The following ASTN2 variants were observed in gnomAD, a reference collection of about 807,000 sequenced individuals.
ASTN2 encodes the protein astrotactin 2.
Under a neutral mutation model 139.8 loss-of-function variants are expected in ASTN2, and 54 were observed. The ratio of observed to expected loss-of-function variants is 0.39; its 90% CI spans 0.31 to 0.48. The LOEUF is 0.48. ASTN2 is among the 20% of genes least tolerant of loss of function. The pLI, the probability that ASTN2 is intolerant of heterozygous loss-of-function variation, is 0.95. For synonymous variants in ASTN2, 756 were observed against 719.5 expected, an observed-to-expected ratio of 1.05 and a Z score of -0.81; for missense variants, 1,565 against 1,725.1, an observed-to-expected ratio of 0.91 and a Z score of 1.64.
At chr9:116,505,211 T>G (rs1364970435) in intron 19 of ASTN2, among the ~76,000 whole-genome samples, 3 of 151,688 alleles carry the variant, frequency 2.0e-5, no homozygotes, top group African/African-American at 7.3e-5. Context: ...GCTTTTAGTA[T>G]CTGATAGTCT....
chr9:116,934,478 C>A (rs971549052), intron 10 of ASTN2, among the ~76,000 whole-genome samples: 5 of 152,116 alleles, frequency 3.3e-5, no homozygotes, highest in Non-Finnish European at 2.9e-5. Flanking sequence ...GGCCCTATAG[C>A]AAAATGGCTT....
chr9:116,673,587 A>G (rs1392701012), intron 16 of ASTN2, among the ~76,000 whole-genome samples: 1 of 152,168 alleles, frequency 6.6e-6, no homozygotes, highest in Non-Finnish European at 1.5e-5. Context: ...TTAATCCAAT[A>G]TGACAGATGG....
At chr9:116,951,576 G>A (rs1273953914) in intron 10 of ASTN2, among the ~76,000 whole-genome samples, 1 of 152,090 alleles carries the variant, frequency 6.6e-6, no homozygotes, top group Non-Finnish European at 1.5e-5. Context: ...CATGAGATCA[G>A]GGTCAGGCAG....
chr9:116,696,234 T>C (rs540547141), intron 16 of ASTN2, among the ~76,000 whole-genome samples: 1 of 152,282 alleles, frequency 6.6e-6, no homozygotes, highest in East Asian at 1.9e-4. Context: ...AGTCTGTTAC[T>C]CTATTCCCCA....
At chr9:117,049,040 A>C (rs1382876661) in intron 5 of ASTN2, among the ~76,000 whole-genome samples, 1 of 142,962 alleles carries the variant, frequency 7.0e-6, no homozygotes, top group Non-Finnish European at 1.5e-5. Context: ...CAATCTCAGC[A>C]CACTGCAACC....
chr9:116,685,401 ACT>A (rs1860140902), intron 16 of ASTN2, among the ~76,000 whole-genome samples: 1 of 152,074 alleles, frequency 6.6e-6, no homozygotes, highest in Non-Finnish European at 1.5e-5. Flanking sequence ...CGCACAGCTG[ACT>A]CTGCGTGAAT....
At chr9:116,632,252 G>GAAAGAAAGAAAGAAA (rs1856833378) in intron 17 of ASTN2, among the ~76,000 whole-genome samples, 1 of 70,916 alleles carries the variant, frequency 1.4e-5, no homozygotes, top group African/African-American at 7.1e-5. Flanking sequence ...AAAGAAAGAA[G>GAAAGAAAGAAAGAAA]GAAAGAAAGA....
chr9:117,241,989 C>A (rs2133074919), intron 2 of ASTN2, among the ~76,000 whole-genome samples: 2 of 125,506 alleles, frequency 1.6e-5, no homozygotes, highest in Admixed American at 1.7e-4. Flanking sequence ...ACAGTGAAAA[C>A]TTTCTTTGGC....
At position 116,698,264 on chromosome 9, in the gene ASTN2, C is replaced by T. The variant is rs1860982745; in HGVS notation, c.2806+27507G>A. ...GGAAGGCAGCCTTGGAAGGTGTCTC[C>T]AAGGACCTTCAGGCAAGGTATAAAG... is the stretch of plus-strand genomic sequence containing the variant. On this transcript the variant is annotated intron_variant, in intron 16 of 22. Transcript: ENST00000313400. This position sits in a 1 kb window ranked among gnomAD's most constrained non-coding sequence, Gnocchi z 4.4. 7 of 1,614,096 alleles carry T rather than the reference C, an allele frequency of 4.3e-6. No homozygotes were observed. Among genetic ancestry groups the T allele is most frequent in the Non-Finnish European group, 5.9e-6 (7 of 1,180,024 alleles).
At chr9:116,847,254 T>TACAGGC (rs1304036230) in intron 11 of ASTN2, among the ~76,000 whole-genome samples, 4 of 152,160 alleles carry the variant, frequency 2.6e-5, no homozygotes, top group Non-Finnish European at 4.4e-5. Flanking sequence ...TAGCTGGGAC[T>TACAGGC]ACAGGCACAC....
rs539999986 is a variant in ASTN2, at chr9:117,048,837, C to T, written c.1277-8872G>A. On this transcript the variant is annotated intron_variant, in intron 5 of 22. Transcript: ENST00000313400. ...ACAGAAGAATAATGGGCCTATAAGC[C>T]ATGTCTCCTGACACACAGCTGAGTG... is the stretch of plus-strand genomic sequence containing the variant. Among the ~76,000 whole-genome samples the T allele has an allele frequency of 5.9e-5, 9 of 152,224 alleles. No individual in the cohort carries two copies. In the South Asian group the frequency reaches 1.7e-3, roughly 28 times the overall value.
At chr9:117,112,566 G>T (rs1232847548) in intron 4 of ASTN2, among the ~76,000 whole-genome samples, 2 of 152,068 alleles carry the variant, frequency 1.3e-5, no homozygotes, top group Non-Finnish European at 2.9e-5. Context: ...ATGCTAAAAG[G>T]AATGAACAAA....
At chr9:117,328,080 C>G (rs1241485198) in intron 1 of ASTN2, among the ~76,000 whole-genome samples, 1 of 152,148 alleles carries the variant, frequency 6.6e-6, no homozygotes, top group African/African-American at 2.4e-5. Flanking sequence ...ATTTCTGATT[C>G]TTAGATCAGG....
intron 2 of ASTN2, among the ~76,000 whole-genome samples, chr9:117,240,085 GT>G (rs1338058042): frequency 6.6e-6 from 1 of 152,214 alleles, no homozygotes; most frequent in African/African-American, 2.4e-5. Context: ...ACCATAGTAA[GT>G]CAGGGGCCAT....
intron 16 of ASTN2, among the ~76,000 whole-genome samples, chr9:116,718,972 G>GTGTGTGTATATATATATATATATA (rs56991546): frequency 1.0e-4 from 10 of 100,052 alleles, no homozygotes; most frequent in African/African-American, 3.8e-4. Flanking sequence ...ACCTGTATCT[G>GTGTGTGTATATATATATATATATA]TACATATATA....
chr9:117,378,732 C>T (rs1318624383), intron 1 of ASTN2, among the ~76,000 whole-genome samples: 1 of 152,168 alleles, frequency 6.6e-6, no homozygotes, highest in Non-Finnish European at 1.5e-5. Flanking sequence ...CTCTGAATAC[C>T]TTTGGGTCCT....
intron 4 of ASTN2, among the ~76,000 whole-genome samples, chr9:117,110,224 G>A (rs370323140): frequency 2.0e-5 from 3 of 151,864 alleles, no homozygotes; most frequent in African/African-American, 4.8e-5. Flanking sequence ...AAATTTATAC[G>A]GTCCTTTTGG....
intron 1 of ASTN2, among the ~76,000 whole-genome samples, chr9:117,353,657 T>C (rs1829453252): frequency 6.6e-6 from 1 of 152,268 alleles, no homozygotes; most frequent in African/African-American, 2.4e-5. Context: ...ACCTCCAACC[T>C]GTTTTCCTTG....
chr9:116,506,146 A>G (rs1381752791), intron 19 of ASTN2, among the ~76,000 whole-genome samples: 1 of 152,142 alleles, frequency 6.6e-6, no homozygotes. Flanking sequence ...CTTCTGGAAT[A>G]GTGTTCGGTA....
Sources: gnomAD v4.1 joint callset for allele counts (sites outside exome capture counted in the v4.1 genomes callset) on GRCh38, gnomAD v4.1.1 for gene constraint, Gnocchi (gnomAD v3.1) non-coding constraint, MANE v1.5 for transcripts, NCBI Gene and HGNC (gene_info 2026-07-23, HGNC 2026-07-21) for gene names.